FNDC3B: variants seen among roughly 807,000 people sequenced by gnomAD.
The protein encoded by FNDC3B is fibronectin type III domain-containing protein 3B.
In FNDC3B, 12 loss-of-function variants were observed where a neutral mutation model predicts 151.5. The ratio of observed to expected loss-of-function variants is 0.08; its 90% CI spans 0.05 to 0.13. The LOEUF is 0.13. Ranked by LOEUF, FNDC3B falls within the 10% of genes least tolerant of loss-of-function variation. The pLI is 1.00. For synonymous variants in FNDC3B, 528 were observed against 549.0 expected (o/e 0.96, Z 0.54); for missense variants, 1,214 against 1,505.3 (o/e 0.81, Z 3.20).
chr3:172,079,302 C>T (rs957303329), intron 1 of FNDC3B, among the ~76,000 whole-genome samples: 1 of 152,166 alleles, frequency 6.6e-6, no homozygotes, highest in African/African-American at 2.4e-5. Context: ...CAGGAGCCTG[C>T]GTGGTCCTCA....
chr3:172,127,940 G>A (rs1373565231), intron 2 of FNDC3B, among the ~76,000 whole-genome samples: 2 of 152,198 alleles, frequency 1.3e-5, no homozygotes, highest in African/African-American at 2.4e-5. Flanking sequence ...TTATAGGCGT[G>A]AGCCACCACA....
chr3:172,359,673 T>A (rs1338614060), intron 22 of FNDC3B, among the ~76,000 whole-genome samples: 1 of 152,204 alleles, frequency 6.6e-6, no homozygotes, highest in Non-Finnish European at 1.5e-5. Flanking sequence ...ATATGTTACA[T>A]TCCAATCATA....
At chr3:172,348,647 CCTT>C (rs1328069820) in intron 21 of FNDC3B, among the ~76,000 whole-genome samples, 1 of 152,196 alleles carries the variant, frequency 6.6e-6, no homozygotes. Flanking sequence ...TATTATATCT[CCTT>C]CTCTTTCAGA....
chr3:172,255,162 A>G (rs571494548), intron 6 of FNDC3B, among the ~76,000 whole-genome samples: 1 of 151,980 alleles, frequency 6.6e-6, no homozygotes, highest in African/African-American at 2.4e-5. Context: ...CCAGCTCCCT[A>G]CATTTCTTCT....
intron 8 of FNDC3B, 46 bp from the exon 9 acceptor site, chr3:172,298,681 GC>G (rs778797955): frequency 1.1e-4 from 155 of 1,419,228 alleles, no homozygotes; most frequent in Non-Finnish European, 1.4e-4. Flanking sequence ...AATCTCGTTT[GC>G]TTTTGAAACT....
At chr3:172,045,788 C>CTATATATA (rs1427723759) in intron 1 of FNDC3B, among the ~76,000 whole-genome samples, 1 of 134,892 alleles carries the variant, frequency 7.4e-6, no homozygotes, top group Admixed American at 7.2e-5. Context: ...CTCTCTCTCT[C>CTATATATA]TCTCTCTATA....
rs115641234 is a variant in FNDC3B at position 172,166,402 on chromosome 3, C to T, written c.187+32856C>T. Among the ~76,000 whole-genome samples the T allele has an allele frequency of 7.4e-4, 112 of 152,158 alleles. 1 individual carries two copies. The highest frequency in any genetic ancestry group is 2.5e-3 in the African/African-American group (103 of 41,502). On this transcript the variant is annotated intron_variant, in intron 3 of 25. Transcript: ENST00000415807. ...GTGAGACCATATAAGGTGTGTAGAG[C>T]GGTTTGACCTCCCACCATTGAAATG...
chr3:172,048,205 A>G (rs1369004254), intron 1 of FNDC3B, among the ~76,000 whole-genome samples: 2 of 152,196 alleles, frequency 1.3e-5, no homozygotes, highest in Admixed American at 1.3e-4. Context: ...TTTTAACAGT[A>G]CAAGTTGTAC....
intron 5 of FNDC3B, among the ~76,000 whole-genome samples, chr3:172,249,347 G>A (rs928595726): frequency 4.6e-5 from 7 of 152,226 alleles, no homozygotes; most frequent in Non-Finnish European, 7.4e-5. Context: ...GATTTAAATC[G>A]TCATTAGAGT....
chr3:172,355,662 T>C (rs1318549803), intron 22 of FNDC3B, among the ~76,000 whole-genome samples: 1 of 152,136 alleles, frequency 6.6e-6, no homozygotes, highest in African/African-American at 2.4e-5. Context: ...AAAATACAGG[T>C]GTTTGAGCCC....
chr3:172,206,322 ATGT>A (rs1408193676), intron 3 of FNDC3B, among the ~76,000 whole-genome samples: 1 of 152,188 alleles, frequency 6.6e-6, no homozygotes, highest in East Asian at 1.9e-4. Flanking sequence ...TGCGTGAATA[ATGT>A]TGTTTGTAAG....
chr3:172,292,737 T>C (rs559682916), intron 7 of FNDC3B, among the ~76,000 whole-genome samples: 1 of 152,226 alleles, frequency 6.6e-6, no homozygotes, highest in Non-Finnish European at 1.5e-5. Context: ...CCAAACTCTT[T>C]GTAACAAATT....
At chr3:172,126,892 G>A (rs1025230790) in intron 2 of FNDC3B, 1 of 347,916 alleles carries the variant, frequency 2.9e-6, no homozygotes, top group Non-Finnish European at 5.8e-6. Flanking sequence ...CCATTTTGTA[G>A]ATGTAAAGGG....
chr3:172,263,502 G>T (rs1202941143), intron 6 of FNDC3B, among the ~76,000 whole-genome samples: 3 of 151,330 alleles, frequency 2.0e-5, no homozygotes, highest in African/African-American at 7.3e-5. Context: ...TAATATACCA[G>T]CATCTCTTGA....
chr3:172,130,765 G>A (rs1047494382), intron 2 of FNDC3B, among the ~76,000 whole-genome samples: 5 of 152,208 alleles, frequency 3.3e-5, no homozygotes, highest in African/African-American at 1.2e-4. Flanking sequence ...CACATTGTCT[G>A]ACAATTATGA....
intron 25 of FNDC3B, among the ~76,000 whole-genome samples, chr3:172,385,468 T>C (rs1007219202): frequency 6.6e-6 from 1 of 152,178 alleles, no homozygotes; most frequent in Non-Finnish European, 1.5e-5. Context: ...ACCAGGGTTA[T>C]TTATACCTGC....
chr3:172,378,850 C>G (rs1402955381), intron 24 of FNDC3B, among the ~76,000 whole-genome samples: 1 of 152,134 alleles, frequency 6.6e-6, no homozygotes, highest in Admixed American at 6.5e-5. Context: ...TGGCGCACAG[C>G]TCTTGGTGTG....
chr3:172,056,061 G>A (rs1160224015), intron 1 of FNDC3B, among the ~76,000 whole-genome samples: 6 of 152,162 alleles, frequency 3.9e-5, no homozygotes, highest in African/African-American at 1.2e-4. Flanking sequence ...GATTACAGGC[G>A]TGAGCCACTG....
chr3:172,198,727 C>G (rs1242449495), intron 3 of FNDC3B, among the ~76,000 whole-genome samples: 1 of 152,178 alleles, frequency 6.6e-6, no homozygotes, highest in Non-Finnish European at 1.5e-5. Context: ...TAGACATCTT[C>G]CTTATCCCAC....
Sources: gnomAD v4.1 joint callset for allele counts (sites outside exome capture counted in the v4.1 genomes callset) on GRCh38, gnomAD v4.1.1 for gene constraint, MANE v1.5 for transcripts, NCBI Gene and HGNC (gene_info 2026-07-23, HGNC 2026-07-21) for gene names.